TIAM1: variants seen among roughly 807,000 people sequenced by gnomAD.
TIAM1 encodes the protein rho guanine nucleotide exchange factor TIAM1.
In TIAM1, 65 loss-of-function variants were observed where a neutral mutation model predicts 163.5. The ratio of observed to expected loss-of-function variants is 0.40; its 90% CI spans 0.33 to 0.49. The LOEUF (loss-of-function observed/expected upper bound fraction) is 0.49, where lower values mean the gene tolerates loss of function less well. TIAM1 is among the 20% of genes least tolerant of loss of function. The pLI is 0.77. For synonymous variants in TIAM1, 833 were observed against 810.1 expected (o/e 1.03, Z -0.48); for missense variants, 1,789 against 2,044.7 (o/e 0.87, Z 2.41).
At chr21:31,476,315 G>A (rs57342441) in intron 1 of TIAM1, among the ~76,000 whole-genome samples, 32,130 of 152,140 alleles carry the variant, frequency 0.21, 3,479 homozygotes, top group South Asian at 0.25. Context: ...ATTGATATTT[G>A]TGCTGACAGA....
rs111374498 is a variant in TIAM1, at chr21:31,242,533, T to A, written c.1584+2955A>T. On this transcript the variant is annotated intron_variant, in intron 6 of 27. Transcript: ENST00000541036. ...GCAGAGATGAAGGCTAAGGCAGAGATGGAAGCTAGTTGCCTGAGCGTTGAT... is the reference window on the plus strand; with the variant it reads ...GCAGAGATGAAGGCTAAGGCAGAGAAGGAAGCTAGTTGCCTGAGCGTTGAT... 6.6e-3 allele frequency among the ~76,000 whole-genome samples: 998 copies of A among 152,180 alleles called. 5 individuals carry two copies. Among genetic ancestry groups the A allele is most frequent in the Non-Finnish European group, 0.011 (725 of 67,992 alleles).
chr21:31,501,075 T>C (rs1386838300), intron 1 of TIAM1, among the ~76,000 whole-genome samples: 5 of 151,576 alleles, frequency 3.3e-5, no homozygotes, highest in Non-Finnish European at 7.4e-5. Flanking sequence ...TTGTTGGTTC[T>C]TTTTTTTTCC....
At chr21:31,339,457 T>C (rs2075951152) in intron 1 of TIAM1, 35 bp from the exon 2 acceptor site, 1 of 398,480 alleles carries the variant, frequency 2.5e-6, no homozygotes. Context: ...ATGGGTTTTG[T>C]GCTTCGTTTT....
At chr21:31,126,449 C>A (rs937680299) in intron 26 of TIAM1, among the ~76,000 whole-genome samples, 1 of 152,038 alleles carries the variant, frequency 6.6e-6, no homozygotes, top group African/African-American at 2.4e-5. Flanking sequence ...TGCCTGTAGT[C>A]CCAGCCACTC....
intron 20 of TIAM1, among the ~76,000 whole-genome samples, chr21:31,146,403 CAAAAAA>C (rs10542614): frequency 0.022 from 1,969 of 89,938 alleles, 57 homozygotes; most frequent in African/African-American, 0.075. Flanking sequence ...GGCTCTGTGT[CAAAAAA>C]AAAAAAAAAA....
At chr21:31,474,452 G>A (rs182015637) in intron 1 of TIAM1, among the ~76,000 whole-genome samples, 10 of 152,168 alleles carry the variant, frequency 6.6e-5, no homozygotes, top group Admixed American at 5.2e-4. Context: ...GAGGATGGCA[G>A]CAGCTAACAG....
intron 2 of TIAM1, among the ~76,000 whole-genome samples, chr21:31,334,180 A>C (rs1248556125): frequency 6.6e-6 from 1 of 152,060 alleles, no homozygotes; most frequent in Admixed American, 6.6e-5. Flanking sequence ...CGAAAAATCC[A>C]TTTTATTTTC....
rs888068844 is a variant in TIAM1, at chr21:31,130,881, A to G, written c.3942+9T>C. 21 of 1,613,268 alleles carry G rather than the reference A, an allele frequency of 1.3e-5. No homozygotes were observed. The highest frequency in any genetic ancestry group is 1.8e-5 in the Non-Finnish European group (21 of 1,179,202). ...GTTTCAAACCATGGGGTAACATAAG[A>G]TGTCTTACAAGTTTCTTCTTCTGTT... On this transcript the variant is annotated intron_variant, in intron 24 of 27. Coordinates refer to ENST00000541036, the MANE Select transcript of TIAM1 (RefSeq NM_001353694.2).
rs368454302 is a variant in TIAM1, at chr21:31,305,421, AT to A, written c.-188-28514del. ...GATGGGCATTAACTCTGAAATAAAA[AT>A]AAAAAAAAAAAAAAAACAGTTCTTA... On this transcript the variant is annotated intron_variant, in intron 2 of 27. Transcript: ENST00000541036. 1.3e-3 allele frequency among the ~76,000 whole-genome samples: 161 copies of A among 128,094 alleles called. 1 individual carries two copies. The highest frequency in any genetic ancestry group is 5.0e-3 in the Middle Eastern group (1 of 202). 84.0% of individuals were successfully genotyped at this position (128,094 alleles called of 152,430 possible).
In TIAM1 at chr21:31,266,557, G is replaced by A. The variant is rs762436879; in HGVS notation, c.416C>T (p.Ala139Val). Reference protein sequence around the residue: ...TEESRLYGDDATYLAEGGRRQ... With the variant: ...TEESRLYGDDVTYLAEGGRRQ... ...CCTGCCTCCCTCAGCCAAATATGTA[G>A]CGTCATCCCCGTAAAGCCTGCTCTC... The change falls in exon 4 of 28, where the codon GCT (alanine) becomes GTT (valine). Residue 139 changes from alanine to valine, a missense_variant. Ala to Val is a moderately conservative substitution (Grantham distance 64, BLOSUM62 0). Around this residue, in one of 5 missense-constraint regions of TIAM1, gnomAD observed 555 missense variants for 564.9 expected, o/e 0.98. Transcript: ENST00000541036. 20 of 1,614,154 alleles carry A rather than the reference G, an allele frequency of 1.2e-5. No individual in the cohort carries two copies. Among genetic ancestry groups the A allele is most frequent in the Admixed American group, 6.7e-5 (4 of 60,008 alleles).
At chr21:31,294,772 T>C (rs1164504824) in intron 2 of TIAM1, among the ~76,000 whole-genome samples, 1 of 152,226 alleles carries the variant, frequency 6.6e-6, no homozygotes, top group Admixed American at 6.5e-5. Context: ...TAAATAGAGC[T>C]TGGTGATCAA....
intron 2 of TIAM1, among the ~76,000 whole-genome samples, chr21:31,463,008 G>C (rs931191557): frequency 2.6e-5 from 4 of 152,174 alleles, no homozygotes; most frequent in African/African-American, 9.7e-5. Flanking sequence ...CTCCCAAAGT[G>C]CTGGGATTAC....
At chr21:31,488,433 AAAAAG>A (rs1381947291) in intron 1 of TIAM1, among the ~76,000 whole-genome samples, 2 of 152,346 alleles carry the variant, frequency 1.3e-5, no homozygotes, top group African/African-American at 4.8e-5. Context: ...TACAGACAGA[AAAAAG>A]AAAAGGAAGA....
chr21:31,270,025 C>A (rs1213784064), intron 3 of TIAM1, among the ~76,000 whole-genome samples: 2 of 152,148 alleles, frequency 1.3e-5, no homozygotes, highest in Non-Finnish European at 2.9e-5. Context: ...CCAGCTACTT[C>A]CATCATCTTA....
rs193222209 is a variant in TIAM1 at position 31,290,751 on chromosome 21, C to T, written c.-188-13843G>A. ...CTGCTGATGGCGACTGCTTTTGCAA[C>T]TAGCAAACCCCACCTGTGTTTCCTC... On this transcript the variant is annotated intron_variant, in intron 2 of 27. Transcript: ENST00000541036. Among the ~76,000 whole-genome samples, 17 of 150,360 alleles carry T rather than the reference C, an allele frequency of 1.1e-4. No homozygotes were observed. The East Asian group carries it at 3.0e-3, about 26-fold the overall frequency.
At chr21:31,434,839 T>C (rs928824021) in intron 2 of TIAM1, among the ~76,000 whole-genome samples, 5 of 152,224 alleles carry the variant, frequency 3.3e-5, no homozygotes, top group African/African-American at 9.6e-5. Context: ...CCCAGTTCTC[T>C]GTAATGTCCC....
chr21:31,313,155 G>A (rs184659459), intron 2 of TIAM1, among the ~76,000 whole-genome samples: 2 of 152,300 alleles, frequency 1.3e-5, no homozygotes, highest in Admixed American at 6.5e-5. Context: ...GTTTTCATGC[G>A]TAATTTTCTT....
At chr21:31,430,483 G>C (rs180858087) in intron 2 of TIAM1, among the ~76,000 whole-genome samples, 15 of 151,802 alleles carry the variant, frequency 9.9e-5, no homozygotes, top group Admixed American at 7.9e-4. Context: ...CACTAAATGG[G>C]AAAAACATCA....
chr21:31,294,096 G>A (rs927689847), intron 2 of TIAM1, among the ~76,000 whole-genome samples: 3 of 152,062 alleles, frequency 2.0e-5, no homozygotes, highest in Non-Finnish European at 4.4e-5. Flanking sequence ...GGTGAGGGTG[G>A]GGGGTGTCCC....
Sources: gnomAD v4.1 joint callset for allele counts (sites outside exome capture counted in the v4.1 genomes callset) on GRCh38, gnomAD v4.1.1 for gene constraint, gnomAD v4.1.1 regional missense constraint, MANE v1.5 for transcripts, NCBI Gene and HGNC (gene_info 2026-07-23, HGNC 2026-07-21) for gene names.